The following NLGN1 variants were observed in gnomAD, a reference collection of about 807,000 sequenced individuals.
The protein encoded by NLGN1 is neuroligin 1.
A neutral mutation model predicts 65.5 loss-of-function variants in NLGN1; 12 were observed. The observed-to-expected ratio is 0.18, with a 90% CI of 0.12 to 0.30. The LOEUF is 0.30. NLGN1 is among the 10% of genes least tolerant of loss of function. The pLI, the probability that NLGN1 is intolerant of heterozygous loss-of-function variation, is 1.00. For synonymous variants in NLGN1, 350 were observed against 359.5 expected, an observed-to-expected ratio of 0.97 and a Z score of 0.30; for missense variants, 750 against 1,007.1, an observed-to-expected ratio of 0.74 and a Z score of 3.46.
chr3:174,208,668 A>G (rs989682840), intron 4 of NLGN1, among the ~76,000 whole-genome samples: 139 of 38,926 alleles, frequency 3.6e-3, no homozygotes, highest in African/African-American at 5.7e-3. Context: ...TATAGGGAAA[A>G]AAAAAAAAAA....
chr3:173,632,473 G>A (rs993173110), intron 3 of NLGN1, among the ~76,000 whole-genome samples: 2 of 152,130 alleles, frequency 1.3e-5, no homozygotes, highest in Admixed American at 1.3e-4. Context: ...TTTATTTTAT[G>A]TGAAGCAATG....
intron 2 of NLGN1, among the ~76,000 whole-genome samples, chr3:173,577,036 C>A (rs1293614351): frequency 7.9e-5 from 12 of 152,220 alleles, no homozygotes; most frequent in South Asian, 4.1e-4. Context: ...CATTTATCTT[C>A]TTGTGCTTTT....
At chr3:173,761,168 G>C (rs1777917329) in intron 3 of NLGN1, among the ~76,000 whole-genome samples, 1 of 151,996 alleles carries the variant, frequency 6.6e-6, no homozygotes, top group Admixed American at 6.6e-5. Context: ...ATATAAGTTA[G>C]TGTGCAATGA....
At chr3:173,528,731 A>G (rs1467324282) in intron 2 of NLGN1, among the ~76,000 whole-genome samples, 2 of 151,518 alleles carry the variant, frequency 1.3e-5, no homozygotes, top group Non-Finnish European at 2.9e-5. Context: ...GGTCTAGTCT[A>G]CTCTTAAAGC....
chr3:174,048,160 C>A (rs1277353699), intron 4 of NLGN1, among the ~76,000 whole-genome samples: 1 of 152,094 alleles, frequency 6.6e-6, no homozygotes, highest in African/African-American at 2.4e-5. Context: ...CTCAACACAT[C>A]GTTGCTATAA....
Position 173,756,272 on chromosome 3 carries a change from A to C in NLGN1, c.494-51408A>C, listed in dbSNP as rs570870551. On this transcript the variant is annotated intron_variant, in intron 3 of 6. Coordinates refer to ENST00000457714, the Ensembl canonical transcript of NLGN1. ...TAAAAATCAAAGTATAAATTTTTAA[A>C]AGTTAAATTTTAATAGTAAACATCA... Among the ~76,000 whole-genome samples the C allele has an allele frequency of 2.0e-5, 3 of 152,110 alleles. No homozygotes were observed. The South Asian group carries it at 6.2e-4, about 31-fold the overall frequency.
At chr3:173,760,492 A>AC (rs1777814535) in intron 3 of NLGN1, among the ~76,000 whole-genome samples, 5 of 151,986 alleles carry the variant, frequency 3.3e-5, no homozygotes, top group Non-Finnish European at 5.9e-5. Flanking sequence ...TTTACTTTAG[A>AC]AGTTCTTGCG....
chr3:174,277,110 A>G (rs917631322), intron 5 of NLGN1, among the ~76,000 whole-genome samples: 1 of 151,934 alleles, frequency 6.6e-6, no homozygotes, highest in Admixed American at 6.6e-5. Context: ...TATACACTTC[A>G]GGGAAATCTG....
chr3:173,515,181 A>G (rs943793183), intron 2 of NLGN1, among the ~76,000 whole-genome samples: 1 of 152,090 alleles, frequency 6.6e-6, no homozygotes, highest in African/African-American at 2.4e-5. Flanking sequence ...TCTGTTTTTG[A>G]TAATAGCCAT....
intron 3 of NLGN1, among the ~76,000 whole-genome samples, chr3:173,687,989 A>G (rs1764918359): frequency 6.6e-6 from 1 of 152,228 alleles, no homozygotes; most frequent in Non-Finnish European, 1.5e-5. Flanking sequence ...GAATGGTCAG[A>G]AGGTAATAAT....
intron 2 of NLGN1, among the ~76,000 whole-genome samples, chr3:173,502,636 G>C (rs526880): frequency 0.099 from 15,131 of 152,122 alleles, 885 homozygotes; most frequent in Admixed American, 0.18. Context: ...GTATATGTAG[G>C]AATACTTGTT....
intron 4 of NLGN1, among the ~76,000 whole-genome samples, chr3:173,854,542 A>T (rs1157144736): frequency 6.6e-6 from 1 of 152,080 alleles, no homozygotes; most frequent in Non-Finnish European, 1.5e-5. Context: ...CTACAAGATA[A>T]TGAATAGCCT....
chr3:173,628,820 A>G (rs1019822108), intron 3 of NLGN1, among the ~76,000 whole-genome samples: 5 of 151,972 alleles, frequency 3.3e-5, no homozygotes, highest in Non-Finnish European at 7.4e-5. Flanking sequence ...CAGTCTCCCT[A>G]ACAGCTGGGA....
chr3:173,538,346 A>G (rs1372810430), intron 2 of NLGN1, among the ~76,000 whole-genome samples: 4 of 152,206 alleles, frequency 2.6e-5, no homozygotes, highest in African/African-American at 9.6e-5. Context: ...AAACTAGTGA[A>G]TTCCTTGAGC....
intron 3 of NLGN1, among the ~76,000 whole-genome samples, chr3:173,737,340 A>T (rs575351141): frequency 6.6e-6 from 1 of 152,118 alleles, no homozygotes; most frequent in Admixed American, 6.6e-5. Context: ...TTGTGCAACC[A>T]TCACCACAAT....
At chr3:173,845,888 A>G (rs75938271) in intron 4 of NLGN1, among the ~76,000 whole-genome samples, 9,733 of 152,132 alleles carry the variant, frequency 0.064, 631 homozygotes, top group African/African-American at 0.17. Context: ...ATATCATAGT[A>G]TTCAGTCATA....
intron 4 of NLGN1, among the ~76,000 whole-genome samples, chr3:173,905,496 A>G (rs1738210138): frequency 6.6e-6 from 1 of 152,166 alleles, no homozygotes; most frequent in Non-Finnish European, 1.5e-5. Context: ...TGCATTCCTG[A>G]CATTTCCTTT....
intron 4 of NLGN1, among the ~76,000 whole-genome samples, chr3:173,825,645 G>A (rs370661625): frequency 6.6e-6 from 1 of 151,938 alleles, no homozygotes; most frequent in Admixed American, 6.6e-5. Flanking sequence ...TTATTTACAT[G>A]GTAGTTGATA....
At chr3:173,745,939 G>C (rs75355993) in intron 3 of NLGN1, among the ~76,000 whole-genome samples, 2 of 152,188 alleles carry the variant, frequency 1.3e-5, no homozygotes, top group African/African-American at 4.8e-5. Context: ...ACTTATCCAA[G>C]TGTGTAACTG....
Sources: gnomAD v4.1 joint callset for allele counts (sites outside exome capture counted in the v4.1 genomes callset) on GRCh38, gnomAD v4.1.1 for gene constraint, MANE v1.5 for transcripts, NCBI Gene and HGNC (gene_info 2026-07-23, HGNC 2026-07-21) for gene names.